DNAH7: variants seen among roughly 807,000 people sequenced by gnomAD.
DNAH7 encodes the protein dynein axonemal heavy chain 7.
A neutral mutation model predicts 444.6 loss-of-function variants in DNAH7; 397 were observed. That is an observed-to-expected ratio of 0.89 (90% CI 0.82 to 0.97). DNAH7 has a LOEUF of 0.97. DNAH7 is among the 50% of genes least tolerant of loss of function. The pLI is 0.00. For synonymous variants in DNAH7, 1,636 were observed against 1,624.4 expected (o/e 1.01, Z -0.17); for missense variants, 4,902 against 4,800.8 (o/e 1.02, Z -0.62).
At chr2:195,947,477 C>T (rs760936317) in intron 19 of DNAH7, among the ~76,000 whole-genome samples, 3 of 152,070 alleles carry the variant, frequency 2.0e-5, no homozygotes, top group East Asian at 1.9e-4. Context: ...CAGTGTGTGA[C>T]GTTCCCCTCC....
chr2:195,863,460 A>T (rs1700137837), intron 41 of DNAH7, among the ~76,000 whole-genome samples: 1 of 151,414 alleles, frequency 6.6e-6, no homozygotes, highest in Non-Finnish European at 1.5e-5. Flanking sequence ...CCCCTTCCCC[A>T]CCCCTCGTTC....
Position 195,861,747 on chromosome 2 carries a change from G to A in DNAH7, c.7706C>T (p.Thr2569Ile), listed in dbSNP as rs2293066. The A allele has an allele frequency of 1.1e-3, 1,695 of 1,612,716 alleles. 31 individuals carry two copies. In the East Asian group the frequency reaches 0.028, roughly 27 times the overall value. Residue 2569 changes from threonine to isoleucine, a missense_variant, in exon 42 of 65, where the codon ACC (threonine) becomes ATC (isoleucine). By Grantham distance (89) the Thr-to-Ile change is moderately conservative. Transcript: ENST00000312428. ...TTTCTTTTCTAACAACAGTTTGAAG[G>A]TGGAGATTAATTCGAGGTAAGAGGT... Reference protein sequence around the residue: ...TPTSYLELISTFKLLLEKKRS... With the variant: ...TPTSYLELISIFKLLLEKKRS...
chr2:196,050,268 C>T (rs1244150319), intron 3 of DNAH7, among the ~76,000 whole-genome samples: 3 of 151,960 alleles, frequency 2.0e-5, no homozygotes, highest in Admixed American at 6.6e-5. Context: ...TATGATTCCA[C>T]CAATATGAAA....
chr2:195,938,369 C>CAA (rs1331005934), intron 19 of DNAH7, among the ~76,000 whole-genome samples: 2 of 151,636 alleles, frequency 1.3e-5, no homozygotes, highest in African/African-American at 4.8e-5. Flanking sequence ...CACACACACA[C>CAA]ACACACACAC....
At chr2:195,879,665 A>G (rs968822786) in intron 36 of DNAH7, among the ~76,000 whole-genome samples, 1 of 152,114 alleles carries the variant, frequency 6.6e-6, no homozygotes, top group African/African-American at 2.4e-5. Context: ...AATTAAGTAC[A>G]TACTTATAAA....
At chr2:195,742,579 G>A (rs1346245898) in intron 63 of DNAH7, among the ~76,000 whole-genome samples, 1 of 152,194 alleles carries the variant, frequency 6.6e-6, no homozygotes, top group East Asian at 1.9e-4. Context: ...TAAGGACCAT[G>A]AGGATATAGA....
intron 45 of DNAH7, 128 bp from the exon 46 acceptor site, chr2:195,853,656 AC>A: frequency 5.6e-5 from 50 of 891,130 alleles, no homozygotes; most frequent in Non-Finnish European, 7.3e-5. Context: ...TTCCTATATC[AC>A]TATGATATAG....
chr2:195,937,314 C>T (rs2125417330), intron 19 of DNAH7, among the ~76,000 whole-genome samples: 1 of 152,134 alleles, frequency 6.6e-6, no homozygotes, highest in East Asian at 1.9e-4. Flanking sequence ...TAAACAATGA[C>T]CCTTGAAACT....
At chr2:196,011,957 C>T (rs2125720691) in intron 10 of DNAH7, among the ~76,000 whole-genome samples, 1 of 152,176 alleles carries the variant, frequency 6.6e-6, no homozygotes, top group African/African-American at 2.4e-5. Flanking sequence ...CCTCTTAACT[C>T]TACTTTTACA....
intron 35 of DNAH7, among the ~76,000 whole-genome samples, chr2:195,883,405 G>T (rs1701524919): frequency 6.6e-6 from 1 of 151,484 alleles, no homozygotes; most frequent in African/African-American, 2.4e-5. Flanking sequence ...CCGAGATCGT[G>T]CCACTGCACT....
intron 40 of DNAH7, among the ~76,000 whole-genome samples, chr2:195,865,575 A>T (rs1288416177): frequency 6.6e-6 from 1 of 152,202 alleles, no homozygotes; most frequent in Admixed American, 6.5e-5. Context: ...TACAGAGAGC[A>T]ATCTACTAAA....
At chr2:195,923,012 C>T (rs1415024426) in intron 23 of DNAH7, among the ~76,000 whole-genome samples, 2 of 152,084 alleles carry the variant, frequency 1.3e-5, no homozygotes, top group Non-Finnish European at 2.9e-5. Flanking sequence ...CAAGCACGCC[C>T]CACCATGTGC....
At chr2:195,966,939 GTCCATTTACATTC>G in intron 17 of DNAH7, among the ~76,000 whole-genome samples, 2 of 151,900 alleles carry the variant, frequency 1.3e-5, no homozygotes, top group African/African-American at 2.4e-5. Context: ...AGAGAAGTTA[GTCCATTTACATTC>G]AATATTATTA....
At chr2:195,959,479 C>G in intron 18 of DNAH7, among the ~76,000 whole-genome samples, 1 of 152,170 alleles carries the variant, frequency 6.6e-6, no homozygotes, top group Non-Finnish European at 1.5e-5. Flanking sequence ...CTGGAGCAAG[C>G]TGGCAGGAGG....
intron 9 of DNAH7, among the ~76,000 whole-genome samples, chr2:196,018,279 T>C (rs905954152): frequency 3.9e-5 from 6 of 151,946 alleles, no homozygotes; most frequent in African/African-American, 1.5e-4. Flanking sequence ...ATAATACACA[T>C]AGTTAGAATT....
chr2:195,780,474 CGCGGTG>C (rs1695318429), intron 58 of DNAH7, among the ~76,000 whole-genome samples: 2 of 152,094 alleles, frequency 1.3e-5, no homozygotes, highest in African/African-American at 4.8e-5. Context: ...CTAGGCCAGG[CGCGGTG>C]GCTCACACTT....
intron 12 of DNAH7, among the ~76,000 whole-genome samples, chr2:195,990,828 A>AAT (rs1450213212): frequency 7.6e-6 from 1 of 131,594 alleles, no homozygotes; most frequent in African/African-American, 3.0e-5. Flanking sequence ...TATATACTTA[A>AAT]ATATATATAC....
At chr2:195,861,258 A>G (rs1317319797) in intron 42 of DNAH7, among the ~76,000 whole-genome samples, 1 of 152,020 alleles carries the variant, frequency 6.6e-6, no homozygotes, top group Non-Finnish European at 1.5e-5. Flanking sequence ...CACCCTCCAG[A>G]ACATTAAAAA....
chr2:195,858,927 AT>A, intron 42 of DNAH7, 123 bp from the exon 43 acceptor site: 1 of 732,270 alleles, frequency 1.4e-6, no homozygotes, highest in Non-Finnish European at 2.2e-6. Context: ...GGTCTAAAAG[AT>A]TTTCATATAA....
Sources: allele counts gnomAD v4.1 joint callset (sites outside exome capture counted in the v4.1 genomes callset), GRCh38; gene constraint gnomAD v4.1.1; transcripts MANE v1.5; gene names NCBI Gene and HGNC (gene_info 2026-07-23, HGNC 2026-07-21).